Variants in GREB1L observed in about 807,000 individuals in gnomAD.
GREB1L encodes GREB1 like retinoic acid receptor coactivator.
In GREB1L, 17 loss-of-function variants were observed where a neutral mutation model predicts 200.8. That is an observed-to-expected ratio of 0.08 (90% CI 0.06 to 0.13). The LOEUF (loss-of-function observed/expected upper bound fraction) is 0.13, where lower values mean the gene tolerates loss of function less well. Ranked by LOEUF, GREB1L falls within the 10% of genes least tolerant of loss-of-function variation. The pLI is 1.00. For missense variants in GREB1L, 1,657 were observed against 2,367.7 expected, an observed-to-expected ratio of 0.70 and a Z score of 6.23; for synonymous variants, 789 against 893.0, an observed-to-expected ratio of 0.88 and a Z score of 2.08.
At position 21,249,141 on chromosome 18, in the gene GREB1L, C is replaced by CT. The variant is rs200780006; in HGVS notation, c.-120+6759dup. ...CGTGAAACTATTTCTATTGTAGAAT[C>CT]TTTTTTTTTTTATTTAGGTAGATAA... is the stretch of plus-strand genomic sequence containing the variant. On this transcript the variant is annotated intron_variant, in intron 1 of 32. Transcript: ENST00000424526. Among the ~76,000 whole-genome samples, 410 of 147,012 alleles carry CT rather than the reference C, an allele frequency of 2.8e-3. 3 individuals carry two copies. Among genetic ancestry groups the CT allele is most frequent in the Middle Eastern group, 0.018 (5 of 282 alleles).
At chr18:21,476,026 C>T (rs1415309376) in intron 16 of GREB1L, among the ~76,000 whole-genome samples, 1 of 146,082 alleles carries the variant, frequency 6.8e-6, no homozygotes, top group African/African-American at 2.6e-5. Context: ...TATTTGCTCC[C>T]AGATCAAATT....
rs1009130200 is a variant in GREB1L, at chr18:21,441,395, T to C, written c.1070-5T>C. On this transcript the variant is annotated splice_region_variant and splice_polypyrimidine_tract_variant and intron_variant, in intron 9 of 32. Transcript: ENST00000424526. ...ATCTTTCTTGTCAAACTTTTTTTTTTCCAGAGCCCCTTTTATCTGCCCCAG... is the reference window on the plus strand; with the variant it reads ...ATCTTTCTTGTCAAACTTTTTTTTTCCCAGAGCCCCTTTTATCTGCCCCAG... The C allele has an allele frequency of 1.1e-5, 16 of 1,516,838 alleles. No individual in the cohort carries two copies. The highest frequency in any genetic ancestry group is 8.5e-5 in the African/African-American group (6 of 70,674). The allele number at this position is 1,516,838 out of a possible 1,614,324, so 94.0% of individuals were successfully genotyped here. A position where few individuals can be genotyped will look rare whatever the true frequency, so the allele number is the denominator to read the frequency against.
In GREB1L at chr18:21,477,156, T is replaced by G. The variant is rs1178804558; in HGVS notation, c.2364-8T>G. ...GAGGTATTAATATGACTTTCAATTT[T>G]TCTACAGTGTCATTTCAGGCTCTTT... is the stretch of plus-strand genomic sequence containing the variant. On this transcript the variant is annotated splice_region_variant and splice_polypyrimidine_tract_variant and intron_variant, in intron 16 of 32. Transcript: ENST00000424526. The G allele has an allele frequency of 6.5e-7, 1 of 1,544,412 alleles. No homozygotes were observed.
At chr18:21,390,892 AG>A (rs2040775730) in intron 4 of GREB1L, among the ~76,000 whole-genome samples, 2 of 152,236 alleles carry the variant, frequency 1.3e-5, no homozygotes, top group African/African-American at 4.8e-5. Context: ...AATACAAAAA[AG>A]CCTTATAGAA....
intron 1 of GREB1L, among the ~76,000 whole-genome samples, chr18:21,361,724 A>G (rs1466287506): frequency 6.6e-6 from 1 of 152,042 alleles, no homozygotes; most frequent in Non-Finnish European, 1.5e-5. Context: ...GGGCCCTTAA[A>G]AAAAAAAAAG....
intron 30 of GREB1L, among the ~76,000 whole-genome samples, chr18:21,517,300 T>G (rs570600243): frequency 6.6e-6 from 1 of 152,322 alleles, no homozygotes; most frequent in Non-Finnish European, 1.5e-5. Flanking sequence ...CTAAGTTTCT[T>G]TGGATTTAAG....
Position 21,358,353 on chromosome 18 carries a change from T to C in GREB1L, c.-119-7674T>C, listed in dbSNP as rs1410470220. 2.6e-5 allele frequency among the ~76,000 whole-genome samples: 4 copies of C among 152,294 alleles called. No individual in the cohort carries two copies. The South Asian group carries it at 6.2e-4, about 24-fold the overall frequency. ...CGGAGTCTTGCTCTATCACCCAGGC[T>C]AGAGTGGAGTGGAGTGCAGTCGTGA... On this transcript the variant is annotated intron_variant, in intron 1 of 32. Coordinates refer to ENST00000424526, the MANE Select transcript of GREB1L (RefSeq NM_001142966.3).
At chr18:21,310,488 C>T (rs1158219669) in intron 1 of GREB1L, among the ~76,000 whole-genome samples, 1 of 152,158 alleles carries the variant, frequency 6.6e-6, no homozygotes, top group Non-Finnish European at 1.5e-5. Flanking sequence ...TACTAGAAAA[C>T]AACTGGGTTC....
chr18:21,293,848 C>T (rs539296387), intron 1 of GREB1L, among the ~76,000 whole-genome samples: 71 of 152,200 alleles, frequency 4.7e-4, no homozygotes, highest in African/African-American at 1.7e-3. Flanking sequence ...GGAGTGATCC[C>T]GGCTCACTGC....
intron 10 of GREB1L, among the ~76,000 whole-genome samples, chr18:21,443,392 C>T (rs1328007951): frequency 6.6e-6 from 1 of 150,972 alleles, no homozygotes; most frequent in East Asian, 2.0e-4. Context: ...GGTTTCGCCT[C>T]TACTAAAGGT....
At chr18:21,447,989 C>A (rs2034316017) in intron 11 of GREB1L, among the ~76,000 whole-genome samples, 1 of 151,706 alleles carries the variant, frequency 6.6e-6, no homozygotes, top group African/African-American at 2.4e-5. Flanking sequence ...ATGGTGAAAC[C>A]CCATCTCTAT....
rs559648928 is a variant in GREB1L, at chr18:21,524,692, T to A, written c.*1871T>A. The A allele has an allele frequency of 2.0e-5, 3 of 152,186 alleles. No homozygotes were observed. The highest frequency in any genetic ancestry group is 4.4e-5 in the Non-Finnish European group (3 of 68,018). The allele number at this position is 152,186 out of a possible 1,614,324, so 9.4% of individuals were successfully genotyped here. Reference sequence around the variant, plus strand: ...CCTCTCAGGGTTTCTTCTGGCTTTATGACTTCATAGTTTAAAGAACTTTTT... The same window carrying A: ...CCTCTCAGGGTTTCTTCTGGCTTTAAGACTTCATAGTTTAAAGAACTTTTT... On this transcript the variant is annotated 3_prime_UTR_variant, in exon 33 of 33. Coordinates refer to ENST00000424526, the MANE Select transcript of GREB1L (RefSeq NM_001142966.3).
intron 1 of GREB1L, among the ~76,000 whole-genome samples, chr18:21,334,629 C>G (rs1360303856): frequency 6.6e-6 from 1 of 152,174 alleles, no homozygotes. Context: ...AAAAAATTAG[C>G]CGGGCATAGT....
intron 1 of GREB1L, among the ~76,000 whole-genome samples, chr18:21,304,530 C>T (rs761006440): frequency 2.0e-5 from 3 of 151,812 alleles, no homozygotes; most frequent in Middle Eastern, 3.4e-3. Flanking sequence ...AAAAAAAGTA[C>T]GTGTGACCTT....
chr18:21,421,815 GCTCC>G (rs1393256303), intron 7 of GREB1L, among the ~76,000 whole-genome samples: 1 of 152,180 alleles, frequency 6.6e-6, no homozygotes, highest in Non-Finnish European at 1.5e-5. Context: ...TACGTAATTG[GCTCC>G]CTATGTTTTG....
chr18:21,436,998 A>C (rs1216245093), intron 7 of GREB1L, among the ~76,000 whole-genome samples: 29 of 152,186 alleles, frequency 1.9e-4, no homozygotes, highest in Admixed American at 1.0e-3. Flanking sequence ...GGCATGACCC[A>C]TGGCACCCAG....
chr18:21,373,684 ACT>A (rs1371818356), intron 2 of GREB1L, among the ~76,000 whole-genome samples: 3 of 151,954 alleles, frequency 2.0e-5, no homozygotes, highest in Non-Finnish European at 4.4e-5. Flanking sequence ...AAAAATTCAA[ACT>A]CTCAATAATC....
intron 1 of GREB1L, among the ~76,000 whole-genome samples, chr18:21,244,059 T>A (rs1394371386): frequency 6.6e-6 from 1 of 152,242 alleles, no homozygotes; most frequent in Non-Finnish European, 1.5e-5. Flanking sequence ...ACCATTAACT[T>A]GATACCCACT....
Position 21,436,669 on chromosome 18 carries a change from GGTGTGTGTGTGT to G in GREB1L, c.833-2815_833-2804del, listed in dbSNP as rs71178172. On this transcript the variant is annotated intron_variant, in intron 7 of 32. Transcript: ENST00000424526. ...AGATAGAATCCCAGAAAAGTTCAGTGGTGTGTGTGTGTGTGTGTGTGTGTGTGTGTGTGTGTG... is the reference window on the plus strand; with the variant it reads ...AGATAGAATCCCAGAAAAGTTCAGTGGTGTGTGTGTGTGTGTGTGTGTGTG... Among the ~76,000 whole-genome samples, 601 of 132,530 alleles carry G rather than the reference GGTGTGTGTGTGT, an allele frequency of 4.5e-3. 4 individuals carry two copies. Among genetic ancestry groups the G allele is most frequent in the African/African-American group, 0.014 (498 of 34,940 alleles). 86.9% of individuals were successfully genotyped at this position (132,530 alleles called of 152,430 possible). A position where few individuals can be genotyped will look rare whatever the true frequency, so the allele number is the denominator to read the frequency against.
Sources: gnomAD v4.1 joint callset for allele counts (sites outside exome capture counted in the v4.1 genomes callset) on GRCh38, gnomAD v4.1.1 for gene constraint, MANE v1.5 for transcripts, NCBI Gene and HGNC (gene_info 2026-07-23, HGNC 2026-07-21) for gene names.